The following GTF3C1 variants were observed in gnomAD, a reference collection of about 807,000 sequenced individuals.
GTF3C1 encodes general transcription factor IIIC subunit 1, also known as general transcription factor 3C polypeptide 1.
Under a neutral mutation model 226.7 loss-of-function variants are expected in GTF3C1, and 57 were observed. The ratio of observed to expected loss-of-function variants is 0.25; its 90% CI spans 0.20 to 0.31. GTF3C1 has a LOEUF of 0.31. Among genes scored for constraint, GTF3C1 ranks in the 10% least tolerant of loss-of-function variants. The probability of loss-of-function intolerance (pLI) is 1.00; values close to 1 mark genes in which losing one functional copy is unlikely to be tolerated. For missense variants in GTF3C1, 2,217 were observed against 2,776.1 expected (o/e 0.80, Z 4.53); for synonymous variants, 1,090 against 1,084.8 (o/e 1.00, Z -0.09).
At position 27,469,206 on chromosome 16, in the gene GTF3C1, A is replaced by T; in HGVS notation, c.5074+85T>A. On this transcript the variant is annotated intron_variant, in intron 32 of 36. Coordinates refer to ENST00000356183, the MANE Select transcript of GTF3C1 (RefSeq NM_001520.4). This position sits in a 1 kb window ranked among gnomAD's most constrained non-coding sequence, Gnocchi z 4.5. ...TGCACGCCTGGCCTGGGGAGCCTGA[A>T]GGTCTAGGTCCCAGGCCAGGCCTCA... The T allele has an allele frequency of 7.4e-7, 1 of 1,354,490 alleles. No homozygotes were observed. Among genetic ancestry groups the T allele is most frequent in the African/African-American group, 1.5e-5 (1 of 68,264 alleles). 83.9% of individuals were successfully genotyped at this position (1,354,490 alleles called of 1,614,324 possible). A position where few individuals can be genotyped will look rare whatever the true frequency, so the allele number is the denominator to read the frequency against.
intron 6 of GTF3C1, among the ~76,000 whole-genome samples, chr16:27,522,564 G>C (rs569849560): frequency 6.6e-6 from 1 of 152,120 alleles, no homozygotes; most frequent in Non-Finnish European, 1.5e-5. Flanking sequence ...CTTCTTTTTC[G>C]GGATTGTTTT....
chr16:27,483,406 G>C (rs1240939766), intron 25 of GTF3C1: 1 of 570,934 alleles, frequency 1.8e-6, no homozygotes, highest in Non-Finnish European at 3.3e-6. Flanking sequence ...CTCTCACAGG[G>C]GTTTGTCCAG....
chr16:27,467,397 G>T (rs2087800173), intron 32 of GTF3C1, among the ~76,000 whole-genome samples: 1 of 152,204 alleles, frequency 6.6e-6, no homozygotes, highest in South Asian at 2.1e-4. Context: ...GAGACCTACT[G>T]CTCAGACTAA....
At chr16:27,495,005 AC>A in intron 15 of GTF3C1, 97 bp from the exon 16 acceptor site, 1 of 1,103,202 alleles carries the variant, frequency 9.1e-7, no homozygotes, top group Non-Finnish European at 1.3e-6. Flanking sequence ...TGGTGTCTTT[AC>A]CCCTAATTTG....
Position 27,462,022 on chromosome 16 carries a change from G to A in GTF3C1, c.6117+272C>T, listed in dbSNP as rs2087712841. The A allele has an allele frequency of 2.1e-6, 1 of 468,038 alleles. No homozygotes were observed. The highest frequency in any genetic ancestry group is 3.8e-6 in the Non-Finnish European group (1 of 260,804). The allele number at this position is 468,038 out of a possible 1,614,324, so 29.0% of individuals were successfully genotyped here. A position where few individuals can be genotyped will look rare whatever the true frequency, so the allele number is the denominator to read the frequency against. ...GCAGCTGCTTGACCCGTGGGGCCCG[G>A]CGGACTCATGAGTTAGTGACCCCTG... On this transcript the variant is annotated intron_variant, in intron 36 of 36. Coordinates refer to ENST00000356183, the MANE Select transcript of GTF3C1 (RefSeq NM_001520.4). This position sits in a 1 kb window ranked among gnomAD's most constrained non-coding sequence, Gnocchi z 4.5.
At position 27,471,927 on chromosome 16, in the gene GTF3C1, C is replaced by A; in HGVS notation, c.4354-7G>T. 1 of 1,613,912 alleles carries A rather than the reference C, an allele frequency of 6.2e-7. No individual in the cohort carries two copies. The stretch of plus-strand genomic sequence containing the variant: ...CCCGATAGAGGCGGAAAGTCTGCAA[C>A]ACAGGGCGGCGAGGGTGAGTAGGGT... On this transcript the variant is annotated splice_region_variant and splice_polypyrimidine_tract_variant and intron_variant, in intron 29 of 36. Transcript: ENST00000356183. This position sits in a 1 kb window ranked among gnomAD's most constrained non-coding sequence, Gnocchi z 5.0.
intron 12 of GTF3C1, 31 bp from the exon 13 acceptor site, chr16:27,498,764 G>T: frequency 1.9e-6 from 2 of 1,077,406 alleles, no homozygotes; most frequent in South Asian, 1.2e-5. Flanking sequence ...ATCCCACAGG[G>T]TGAGGGAAGA....
At position 27,462,457 on chromosome 16, in the gene GTF3C1, C is replaced by T. The variant is rs2087720035; in HGVS notation, c.5954G>A (p.Arg1985Gln). 2 of 1,613,632 alleles carry T rather than the reference C, an allele frequency of 1.2e-6. No individual in the cohort carries two copies. Among genetic ancestry groups the T allele is most frequent in the African/African-American group, 1.3e-5 (1 of 74,904 alleles). Residue 1985 changes from arginine to glutamine, a missense_variant, in exon 36 of 37, where the codon CGG (arginine) becomes CAG (glutamine). Physicochemically the swap from Arg to Gln is conservative, Grantham distance 43 (BLOSUM62 1). Around this residue, in one of 12 missense-constraint regions of GTF3C1, gnomAD observed 153 missense variants for 199.8 expected, o/e 0.77. Coordinates refer to ENST00000356183, the MANE Select transcript of GTF3C1 (RefSeq NM_001520.4). The surrounding 1 kb of genome is among the most constrained non-coding windows in gnomAD (Gnocchi z 4.5). ...RDCESVCFIG[R>Q]PWRVVDGHLN... ...GTGGCCATCCACGACACGCCACGGCCGGCCGATGAAGCAGACACTCTCACA... is the reference window on the plus strand; with the variant it reads ...GTGGCCATCCACGACACGCCACGGCTGGCCGATGAAGCAGACACTCTCACA...
chr16:27,510,086 T>C (rs1412561890), intron 7 of GTF3C1, among the ~76,000 whole-genome samples: 2 of 151,870 alleles, frequency 1.3e-5, no homozygotes, highest in African/African-American at 2.4e-5. Flanking sequence ...TTGTCTCTAC[T>C]AAAGAAATAG....
chr16:27,484,473 CA>C, intron 24 of GTF3C1, 120 bp from the exon 25 acceptor site: 1 of 659,682 alleles, frequency 1.5e-6, no homozygotes, highest in South Asian at 1.8e-5. Flanking sequence ...AGAGAATCCC[CA>C]CAACTGTCAC....
At chr16:27,465,813 A>C (rs1292501611) in intron 32 of GTF3C1, 8 of 487,514 alleles carry the variant, frequency 1.6e-5, no homozygotes, top group Non-Finnish European at 3.0e-5. Flanking sequence ...ATGTAAAGTG[A>C]AGGGCACAGA....
chr16:27,541,926 T>A (rs1174607756), intron 2 of GTF3C1, among the ~76,000 whole-genome samples: 1 of 152,192 alleles, frequency 6.6e-6, no homozygotes, highest in Non-Finnish European at 1.5e-5. Flanking sequence ...CTGGCCTATA[T>A]CACCCTGTAA....
intron 10 of GTF3C1, among the ~76,000 whole-genome samples, chr16:27,504,619 G>C (rs2088456197): frequency 6.6e-6 from 1 of 152,176 alleles, no homozygotes; most frequent in Non-Finnish European, 1.5e-5. Context: ...TTACAGGGCT[G>C]AATGAAACAG....
chr16:27,543,651 G>A (rs1446083479), intron 2 of GTF3C1, among the ~76,000 whole-genome samples: 1 of 152,126 alleles, frequency 6.6e-6, no homozygotes, highest in East Asian at 1.9e-4. Flanking sequence ...TCCTGCCTTG[G>A]CCTCCCAAAG....
rs919129339 is a variant in GTF3C1 at position 27,462,279 on chromosome 16, A to T, written c.6117+15T>A. Reference sequence around the variant, plus strand: ...GCCGCCTCCACACCCTGCTGAACCCAGGAAGGCCCCACACCTGGAGCAACT... The same window carrying T: ...GCCGCCTCCACACCCTGCTGAACCCTGGAAGGCCCCACACCTGGAGCAACT... On this transcript the variant is annotated intron_variant, in intron 36 of 36. Coordinates refer to ENST00000356183, the MANE Select transcript of GTF3C1 (RefSeq NM_001520.4). This position sits in a 1 kb window ranked among gnomAD's most constrained non-coding sequence, Gnocchi z 4.5. The T allele has an allele frequency of 3.9e-6, 6 of 1,541,930 alleles. No homozygotes were observed. In the African/African-American group the frequency reaches 8.2e-5, roughly 21 times the overall value.
intron 28 of GTF3C1, among the ~76,000 whole-genome samples, chr16:27,476,747 ATAGGGGGTGACC>A (rs1596619088): frequency 6.6e-6 from 1 of 152,226 alleles, no homozygotes; most frequent in Non-Finnish European, 1.5e-5. Flanking sequence ...CTTTTAGTAG[ATAGGGGGTGACC>A]TACCTGGAAC....
rs2087876901 is a variant in GTF3C1 at position 27,471,914 on chromosome 16, G to A, written c.4360C>T (p.Arg1454Cys). ...TGGTCCTTGTACTCCCGATAGAGGCGGAAAGTCTGCAACACAGGGCGGCGA... is the reference window on the plus strand; with the variant it reads ...TGGTCCTTGTACTCCCGATAGAGGCAGAAAGTCTGCAACACAGGGCGGCGA... The part of the protein sequence containing the change: ...MKSYQSFQTF[R>C]LYREYKDHVL... The change falls in exon 30 of 37, where the codon CGC becomes TGC. Residue 1454 changes from arginine to cysteine, a missense_variant. By Grantham distance (180) the Arg-to-Cys change is radical (BLOSUM62 -3). This residue lies in a region of GTF3C1 where 546 missense variants were observed against 663.0 expected (regional missense o/e 0.82). Transcript: ENST00000356183. This position sits in a 1 kb window ranked among gnomAD's most constrained non-coding sequence, Gnocchi z 5.0. 6.2e-6 allele frequency: 10 copies of A among 1,614,080 alleles called. No homozygotes were observed. Among genetic ancestry groups the A allele is most frequent in the South Asian group, 2.2e-5 (2 of 91,080 alleles).
At chr16:27,511,495 G>T (rs1466364247) in intron 7 of GTF3C1, among the ~76,000 whole-genome samples, 10 of 152,092 alleles carry the variant, frequency 6.6e-5, no homozygotes, top group African/African-American at 2.2e-4. Flanking sequence ...TGTGTCTCTG[G>T]AGAACTCTAA....
rs930429448 is a variant in GTF3C1 at position 27,462,119 on chromosome 16, G to A, written c.6117+175C>T. ...CAGCCTGGTCAGCAGCATGGAGCTG[G>A]TGAAGGACACTGAGGGACAGCCTGA... On this transcript the variant is annotated intron_variant, in intron 36 of 36. Coordinates refer to ENST00000356183, the MANE Select transcript of GTF3C1 (RefSeq NM_001520.4). This position sits in a 1 kb window ranked among gnomAD's most constrained non-coding sequence, Gnocchi z 4.5. The A allele has an allele frequency of 1.5e-5, 9 of 601,144 alleles. No homozygotes were observed. The highest frequency in any genetic ancestry group is 1.3e-4 in the African/African-American group (7 of 53,914). 37.2% of individuals were successfully genotyped at this position (601,144 alleles called of 1,614,324 possible). A position where few individuals can be genotyped will look rare whatever the true frequency, so the allele number is the denominator to read the frequency against.
Sources: allele counts gnomAD v4.1 joint callset (sites outside exome capture counted in the v4.1 genomes callset), GRCh38; gene constraint gnomAD v4.1.1; regional missense constraint gnomAD v4.1.1; non-coding constraint Gnocchi (gnomAD v3.1); transcripts MANE v1.5; gene names NCBI Gene and HGNC (gene_info 2026-07-23, HGNC 2026-07-21).